Variants in CHMP4B observed in about 807,000 individuals in gnomAD.
CHMP4B encodes the protein SNF7 homolog associated with Alix 1.
A neutral mutation model predicts 25.1 loss-of-function variants in CHMP4B; 1 was observed. That is an observed-to-expected ratio of 0.04 (90% CI 0.01 to 0.19). The LOEUF (loss-of-function observed/expected upper bound fraction) is 0.19. Ranked by LOEUF, CHMP4B falls within the 10% of genes least tolerant of loss-of-function variation. The probability of loss-of-function intolerance (pLI) is 1.00; values close to 1 mark genes in which losing one functional copy is unlikely to be tolerated. For synonymous variants in CHMP4B, 101 were observed against 115.6 expected (o/e 0.87, Z 0.81); for missense variants, 151 against 289.7 (o/e 0.52, Z 3.48).
rs750620237 is a variant in CHMP4B, at chr20:33,852,229, A to G, written c.610+26A>G. On this transcript the variant is annotated intron_variant, in intron 4 of 4. Transcript: ENST00000217402. ...GTGAGTGCTTCTAGAGTCATGGCAC[A>G]CCGTGAGGTCATGTGGCAGGTGATC... The G allele has an allele frequency of 5.0e-6, 8 of 1,613,758 alleles. No individual in the cohort carries two copies. The East Asian group carries it at 1.6e-4, about 31-fold the overall frequency.
chr20:33,823,205 T>C (rs944714716), intron 1 of CHMP4B, among the ~76,000 whole-genome samples: 8 of 152,074 alleles, frequency 5.3e-5, no homozygotes, highest in Admixed American at 6.6e-5. Flanking sequence ...GGAAATACCA[T>C]GTACTTTACA....
At chr20:33,811,721 T>G in intron 1 of CHMP4B, 63 bp downstream of exon 1, 1 of 1,527,800 alleles carries the variant, frequency 6.5e-7, no homozygotes, top group Non-Finnish European at 9.0e-7. Flanking sequence ...GGGCCCGGAC[T>G]TCACCTTCAT....
chr20:33,835,998 C>G (rs1792112852), intron 1 of CHMP4B, among the ~76,000 whole-genome samples: 1 of 152,244 alleles, frequency 6.6e-6, no homozygotes, highest in Non-Finnish European at 1.5e-5. Context: ...GGCCCCACCT[C>G]TGACATTGGT....
At position 33,811,372 on chromosome 20, in the gene CHMP4B, C is replaced by G; in HGVS notation, c.-97C>G. 1 of 1,054,586 alleles carries G rather than the reference C, an allele frequency of 9.5e-7. No individual in the cohort carries two copies. Among genetic ancestry groups the G allele is most frequent in the Non-Finnish European group, 1.2e-6 (1 of 825,030 alleles). The allele number at this position is 1,054,586 out of a possible 1,614,324, so 65.3% of individuals were successfully genotyped here. ...AGGAGAGGCCTGCGGCGGCAGGGAG[C>G]GGCGGGACTGGGAGCGGGCGCCGGA... On this transcript the variant is annotated 5_prime_UTR_variant, in exon 1 of 5. Transcript: ENST00000217402.
intron 1 of CHMP4B, among the ~76,000 whole-genome samples, chr20:33,816,220 C>A (rs1400024588): frequency 1.3e-5 from 2 of 152,100 alleles, no homozygotes; most frequent in Non-Finnish European, 2.9e-5. Context: ...GTGTCCTAGG[C>A]CCCATCCTTG....
At chr20:33,845,643 T>C (rs1033807667) in intron 1 of CHMP4B, among the ~76,000 whole-genome samples, 2 of 152,182 alleles carry the variant, frequency 1.3e-5, no homozygotes, top group Non-Finnish European at 2.9e-5. Flanking sequence ...TGGTGAATCT[T>C]AATGATGGGC....
intron 1 of CHMP4B, among the ~76,000 whole-genome samples, chr20:33,847,805 A>G (rs1370532266): frequency 6.6e-6 from 1 of 152,174 alleles, no homozygotes; most frequent in Non-Finnish European, 1.5e-5. Context: ...CCAGAAGGAA[A>G]TTACTGGGTC....
intron 1 of CHMP4B, among the ~76,000 whole-genome samples, chr20:33,812,322 G>T (rs1978651351): frequency 6.6e-6 from 1 of 152,150 alleles, no homozygotes; most frequent in South Asian, 2.1e-4. Context: ...CCAGCGTTGT[G>T]ATTCACTTTT....
At chr20:33,853,364 A>G in intron 4 of CHMP4B, 132 bp from the exon 5 acceptor site, 1 of 805,280 alleles carries the variant, frequency 1.2e-6, no homozygotes, top group Non-Finnish European at 2.2e-6. Context: ...GTCTCCCTAC[A>G]GCCTGGAGAG....
rs566588284 is a variant in CHMP4B, at chr20:33,835,665, C to T, written c.191-12802C>T. ...CGATGTAGGTGTTTAAAAAGATTAT[C>T]TTAGTCTATTTGTGTTGCTATTAAA... is the stretch of plus-strand genomic sequence containing the variant. On this transcript the variant is annotated intron_variant, in intron 1 of 4. Coordinates refer to ENST00000217402, the MANE Select transcript of CHMP4B (RefSeq NM_176812.5). Among the ~76,000 whole-genome samples, 63 of 152,274 alleles carry T rather than the reference C, an allele frequency of 4.1e-4. No homozygotes were observed. The South Asian group carries it at 0.012, about 30-fold the overall frequency.
At chr20:33,838,908 C>G (rs1979460414) in intron 1 of CHMP4B, among the ~76,000 whole-genome samples, 2 of 152,158 alleles carry the variant, frequency 1.3e-5, no homozygotes, top group African/African-American at 4.8e-5. Context: ...GCAGGGTTCC[C>G]TTTGGTGACC....
chr20:33,833,265 T>C (rs1979304959), intron 1 of CHMP4B, among the ~76,000 whole-genome samples: 2 of 152,224 alleles, frequency 1.3e-5, no homozygotes, highest in Non-Finnish European at 2.9e-5. Context: ...TTCCCTGAGT[T>C]ACTGGTCTCT....
chr20:33,816,183 T>C (rs1280616904), intron 1 of CHMP4B, among the ~76,000 whole-genome samples: 1 of 152,196 alleles, frequency 6.6e-6, no homozygotes, highest in Non-Finnish European at 1.5e-5. Flanking sequence ...CATATATTCA[T>C]TCTTAAGCAT....
At chr20:33,816,328 G>A (rs1440927447) in intron 1 of CHMP4B, among the ~76,000 whole-genome samples, 1 of 152,178 alleles carries the variant, frequency 6.6e-6, no homozygotes, top group African/African-American at 2.4e-5. Flanking sequence ...CATGCCTATG[G>A]TGAGGATTAA....
In CHMP4B at chr20:33,848,422, C is replaced by T. The variant is rs1979746839; in HGVS notation, c.191-45C>T. The T allele has an allele frequency of 3.1e-6, 5 of 1,604,576 alleles. No individual in the cohort carries two copies. The East Asian group carries it at 1.1e-4, about 36-fold the overall frequency. ...AAGACTCAGTGACACTAGAACCTCA[C>T]CCTGTGCCGGGACTCTCTGAAACCC... On this transcript the variant is annotated intron_variant, in intron 1 of 4. Coordinates refer to ENST00000217402, the MANE Select transcript of CHMP4B (RefSeq NM_176812.5).
In CHMP4B at chr20:33,844,917, C is replaced by T. The variant is rs901976783; in HGVS notation, c.191-3550C>T. On this transcript the variant is annotated intron_variant, in intron 1 of 4. Coordinates refer to ENST00000217402, the MANE Select transcript of CHMP4B (RefSeq NM_176812.5). ...CGGACCACAGGCGCCTGCCACCACA[C>T]CCGGCTAATTTTTTTGTATTTTTAG... Among the ~76,000 whole-genome samples, 27 of 152,086 alleles carry T rather than the reference C, an allele frequency of 1.8e-4. 1 individual carries two copies. The highest frequency in any genetic ancestry group is 5.9e-5 in the Non-Finnish European group (4 of 68,012).
chr20:33,822,682 G>A (rs1815951564), intron 1 of CHMP4B, among the ~76,000 whole-genome samples: 1 of 152,246 alleles, frequency 6.6e-6, no homozygotes, highest in Admixed American at 6.5e-5. Context: ...GGGCTGCAGG[G>A]CTCACAGCTG....
rs572521901 is a variant in CHMP4B, at chr20:33,853,924, C to T, written c.*364C>T. ...GTTGAAATGACCTGAAATGTAGCCT[C>T]TGTCCTTGTAAGTCAGTTGACTTGC... On this transcript the variant is annotated 3_prime_UTR_variant, in exon 5 of 5. Coordinates refer to ENST00000217402, the MANE Select transcript of CHMP4B (RefSeq NM_176812.5). 71 of 362,358 alleles carry T rather than the reference C, an allele frequency of 2.0e-4. No individual in the cohort carries two copies. The highest frequency in any genetic ancestry group is 3.2e-4 in the Non-Finnish European group (60 of 190,058). The allele number at this position is 362,358 out of a possible 1,614,324, so 22.4% of individuals were successfully genotyped here.
chr20:33,853,644 TGTG>T lies in CHMP4B; in HGVS notation c.*88_*90del. 3 of 1,239,438 alleles carry T rather than the reference TGTG, an allele frequency of 2.4e-6. No homozygotes were observed. Among genetic ancestry groups the T allele is most frequent in the Non-Finnish European group, 3.6e-6 (3 of 843,930 alleles). The allele number at this position is 1,239,438 out of a possible 1,614,324, so 76.8% of individuals were successfully genotyped here. ...GTGTGCGTGTGTGGGGCAGGCAGGA[TGTG>T]GTGCAGGCAGGTTCCATCGCTTTCG... On this transcript the variant is annotated 3_prime_UTR_variant, in exon 5 of 5. Transcript: ENST00000217402.
Sources: allele counts gnomAD v4.1 joint callset (sites outside exome capture counted in the v4.1 genomes callset), GRCh38; gene constraint gnomAD v4.1.1; transcripts MANE v1.5; gene names NCBI Gene and HGNC (gene_info 2026-07-23, HGNC 2026-07-21).